Variants in DCC observed in about 807,000 individuals in gnomAD.
DCC encodes netrin receptor DCC.
In DCC, 58 loss-of-function variants were observed where a neutral mutation model predicts 172.5. The ratio of observed to expected loss-of-function variants is 0.34; its 90% CI spans 0.27 to 0.42. The LOEUF is 0.42. DCC is among the 10% of genes least tolerant of loss of function. DCC has a pLI of 1.00. For synonymous variants in DCC, 709 were observed against 644.5 expected (o/e 1.10, Z -1.52); for missense variants, 1,740 against 1,791.0 (o/e 0.97, Z 0.51).
intron 1 of DCC, among the ~76,000 whole-genome samples, chr18:52,638,079 T>C (rs746342650): frequency 6.6e-6 from 1 of 152,090 alleles, no homozygotes; most frequent in Non-Finnish European, 1.5e-5. Context: ...GCATCATATA[T>C]GAAGGAAAGA....
intron 5 of DCC, among the ~76,000 whole-genome samples, chr18:52,925,972 A>G (rs986582460): frequency 2.0e-5 from 3 of 151,842 alleles, no homozygotes; most frequent in African/African-American, 7.2e-5. Flanking sequence ...ATTCTTCTAC[A>G]TGGCAGTTAT....
chr18:53,486,878 C>T lies in DCC; in HGVS notation c.3818C>T (p.Pro1273Leu), dbSNP rs750763937. ...GILPSPTCGY[P>L]HPQFTLRPVP... Reference sequence around the variant, plus strand: ...CTCCCGTCTCCCACCTGTGGATATCCCCACCCGCAGTTCACTCTCCGGCCT... The same window carrying T: ...CTCCCGTCTCCCACCTGTGGATATCTCCACCCGCAGTTCACTCTCCGGCCT... Residue 1273 changes from proline to leucine, a missense_variant, in exon 26 of 29, where the codon CCC (proline) becomes CTC (leucine). Transcript: ENST00000442544. 15 of 1,614,170 alleles carry T rather than the reference C, an allele frequency of 9.3e-6. 1 individual carries two copies. The Admixed American group carries it at 2.5e-4, about 27-fold the overall frequency.
At chr18:53,331,346 C>A (rs1170884334) in intron 14 of DCC, among the ~76,000 whole-genome samples, 1 of 152,132 alleles carries the variant, frequency 6.6e-6, no homozygotes, top group Non-Finnish European at 1.5e-5. Flanking sequence ...AGATCTCTGC[C>A]TCCCCATACA....
intron 1 of DCC, among the ~76,000 whole-genome samples, chr18:52,489,741 G>A (rs1004523662): frequency 6.6e-6 from 1 of 152,052 alleles, no homozygotes; most frequent in Non-Finnish European, 1.5e-5. Flanking sequence ...GCCTATCACT[G>A]TCCTAGACAG....
intron 12 of DCC, among the ~76,000 whole-genome samples, chr18:53,230,369 CCTTT>C (rs1296503193): frequency 1.3e-5 from 2 of 151,982 alleles, no homozygotes; most frequent in African/African-American, 2.4e-5. Context: ...ATTATTTCAG[CCTTT>C]CAAAAATGAA....
At chr18:53,356,921 C>T (rs1457776295) in intron 15 of DCC, among the ~76,000 whole-genome samples, 1 of 152,148 alleles carries the variant, frequency 6.6e-6, no homozygotes, top group Non-Finnish European at 1.5e-5. Context: ...TCCATATAAT[C>T]AGATAAAGAA....
At chr18:53,420,068 A>G (rs1910551651) in intron 21 of DCC, among the ~76,000 whole-genome samples, 1 of 151,926 alleles carries the variant, frequency 6.6e-6, no homozygotes, top group Non-Finnish European at 1.5e-5. Context: ...GTTGGCCAGG[A>G]TGGTCTCAAT....
intron 12 of DCC, among the ~76,000 whole-genome samples, chr18:53,259,135 G>T (rs1381341075): frequency 6.6e-6 from 1 of 152,052 alleles, no homozygotes; most frequent in African/African-American, 2.4e-5. Context: ...CCTGAATACA[G>T]CATACTGATG....
chr18:53,307,891 GTGTATGTATATATATATATATATA>G (rs2057219333), intron 13 of DCC, among the ~76,000 whole-genome samples: 1 of 47,986 alleles, frequency 2.1e-5, no homozygotes, highest in African/African-American at 5.4e-5. Flanking sequence ...AGCAATGTGT[GTGTATGTATATATATATATATATA>G]TATATATATA....
chr18:52,612,232 C>T (rs1481156242), intron 1 of DCC, among the ~76,000 whole-genome samples: 1 of 152,100 alleles, frequency 6.6e-6, no homozygotes, highest in African/African-American at 2.4e-5. Flanking sequence ...TCAGGTGATG[C>T]CACCCTGCAC....
At chr18:53,125,048 C>T (rs1261462097) in intron 7 of DCC, among the ~76,000 whole-genome samples, 1 of 151,808 alleles carries the variant, frequency 6.6e-6, no homozygotes, top group Non-Finnish European at 1.5e-5. Flanking sequence ...CCTGTTTTAA[C>T]TACTTTTAAT....
At chr18:52,646,062 G>A (rs1230468421) in intron 1 of DCC, among the ~76,000 whole-genome samples, 1 of 152,152 alleles carries the variant, frequency 6.6e-6, no homozygotes, top group African/African-American at 2.4e-5. Flanking sequence ...AGGAGGAAGG[G>A]GTTAGATTCA....
At chr18:52,989,099 G>C (rs1051210726) in intron 5 of DCC, among the ~76,000 whole-genome samples, 1 of 151,820 alleles carries the variant, frequency 6.6e-6, no homozygotes, top group Non-Finnish European at 1.5e-5. Flanking sequence ...ATTACAGTGA[G>C]TGGAGGGATA....
chr18:52,554,731 C>T (rs1425747976), intron 1 of DCC, among the ~76,000 whole-genome samples: 1 of 152,016 alleles, frequency 6.6e-6, no homozygotes, highest in Non-Finnish European at 1.5e-5. Context: ...GACAAATTCT[C>T]AGAGACATTT....
intron 7 of DCC, among the ~76,000 whole-genome samples, chr18:53,082,210 A>G (rs1176266970): frequency 6.6e-6 from 1 of 152,156 alleles, no homozygotes; most frequent in Non-Finnish European, 1.5e-5. Context: ...ATTCTACTTT[A>G]AAAGAGAAAA....
chr18:52,963,370 A>C (rs2040875753), intron 5 of DCC, among the ~76,000 whole-genome samples: 1 of 152,050 alleles, frequency 6.6e-6, no homozygotes, highest in African/African-American at 2.4e-5. Flanking sequence ...ATATATAAAT[A>C]TATATTATGT....
At chr18:52,369,760 A>G (rs1286077977) in intron 1 of DCC, among the ~76,000 whole-genome samples, 1 of 152,040 alleles carries the variant, frequency 6.6e-6, no homozygotes, top group Non-Finnish European at 1.5e-5. Context: ...GGTTATACAG[A>G]ATTGGTCTGT....
chr18:52,797,822 T>C (rs1598812765), intron 2 of DCC, among the ~76,000 whole-genome samples: 1 of 152,116 alleles, frequency 6.6e-6, no homozygotes, highest in Admixed American at 6.6e-5. Context: ...TGGGGCCAGG[T>C]CCCCGGACAG....
Position 53,037,751 on chromosome 18 carries a change from A to G in DCC, c.986-25554A>G, listed in dbSNP as rs540317750. Among the ~76,000 whole-genome samples the G allele has an allele frequency of 9.9e-5, 15 of 152,060 alleles. No homozygotes were observed. In the South Asian group the frequency reaches 3.1e-3, roughly 32 times the overall value. ...GGACTTGGCCTCATTCTCACATTCC[A>G]TTTATGGGTTCACAACGTGGAGGAT... is the stretch of plus-strand genomic sequence containing the variant. On this transcript the variant is annotated intron_variant, in intron 5 of 28. Coordinates refer to ENST00000442544, the MANE Select transcript of DCC (RefSeq NM_005215.4).
Sources: allele counts gnomAD v4.1 joint callset (sites outside exome capture counted in the v4.1 genomes callset), GRCh38; gene constraint gnomAD v4.1.1; transcripts MANE v1.5; gene names NCBI Gene and HGNC (gene_info 2026-07-23, HGNC 2026-07-21).